TENM2: variants seen among roughly 807,000 people sequenced by gnomAD.
TENM2 encodes the protein teneurin-2.
Under a neutral mutation model 245.2 loss-of-function variants are expected in TENM2, and 52 were observed. The observed-to-expected ratio is 0.21, with a 90% CI of 0.17 to 0.27. The LOEUF is 0.27. Ranked by LOEUF, TENM2 falls within the 10% of genes least tolerant of loss-of-function variation. The pLI is 1.00. For synonymous variants in TENM2, 1,363 were observed against 1,438.9 expected, an observed-to-expected ratio of 0.95 and a Z score of 1.19; for missense variants, 3,046 against 3,666.8, an observed-to-expected ratio of 0.83 and a Z score of 4.37.
intron 23 of TENM2, among the ~76,000 whole-genome samples, chr5:168,222,511 T>C (rs868738796): frequency 6.6e-6 from 1 of 152,240 alleles, no homozygotes; most frequent in Non-Finnish European, 1.5e-5. Context: ...TAAGCTGCCA[T>C]GCAATTCATG....
At chr5:167,265,331 C>CAAAAAAAAAAAAAAAA in the TENM2 span, among the ~76,000 whole-genome samples, 2 of 39,396 alleles carry the variant, frequency 5.1e-5, 1 homozygote, top group African/African-American at 1.6e-4. Context: ...GACTCTGTCT[C>CAAAAAAAAAAAAAAAA]AAAAAAAAAA....
At chr5:168,085,001 G>A (rs1792321943) in intron 7 of TENM2, among the ~76,000 whole-genome samples, 1 of 152,208 alleles carries the variant, frequency 6.6e-6, no homozygotes, top group Non-Finnish European at 1.5e-5. Flanking sequence ...GGAAAAGATG[G>A]ATGTGTCCCC....
chr5:166,979,341 C>G, the TENM2 span, among the ~76,000 whole-genome samples: 2 of 151,958 alleles, frequency 1.3e-5, no homozygotes, highest in African/African-American at 4.8e-5. Context: ...AGGGGGAAAG[C>G]CTGTCTTGGT....
At chr5:167,481,762 C>T (rs1379391376) in intron 2 of TENM2, among the ~76,000 whole-genome samples, 3 of 152,178 alleles carry the variant, frequency 2.0e-5, no homozygotes, top group Non-Finnish European at 4.4e-5. Context: ...AAACTGTTAG[C>T]ATATACATAC....
chr5:167,969,614 A>C (rs936207022), intron 4 of TENM2, among the ~76,000 whole-genome samples: 3 of 152,242 alleles, frequency 2.0e-5, no homozygotes, highest in African/African-American at 7.2e-5. Context: ...ACAGGATTCA[A>C]GTAATACTTA....
chr5:167,333,651 G>A (rs1272207264), intron 1 of TENM2, among the ~76,000 whole-genome samples: 1 of 152,188 alleles, frequency 6.6e-6, no homozygotes, highest in Non-Finnish European at 1.5e-5. Context: ...AGAGAGGAGA[G>A]TTGCCAGTGG....
intron 4 of TENM2, among the ~76,000 whole-genome samples, chr5:167,956,522 G>A (rs1220164084): frequency 6.6e-6 from 1 of 152,146 alleles, no homozygotes. Flanking sequence ...AATAGGAGTG[G>A]TGAGAGAGGG....
At chr5:167,192,283 G>T in the TENM2 span, among the ~76,000 whole-genome samples, 114 of 152,070 alleles carry the variant, frequency 7.5e-4, no homozygotes, top group Non-Finnish European at 1.6e-3. Flanking sequence ...TTGTGTGTGT[G>T]TATTCTTGTG....
intron 1 of TENM2, among the ~76,000 whole-genome samples, chr5:167,333,497 G>A (rs1757577012): frequency 2.0e-5 from 3 of 152,148 alleles, no homozygotes; most frequent in Admixed American, 2.0e-4. Flanking sequence ...TGATCAGTGA[G>A]CCATGTTCTT....
chr5:167,256,375 T>TTGTC, the TENM2 span, among the ~76,000 whole-genome samples: 2 of 152,094 alleles, frequency 1.3e-5, no homozygotes, highest in Admixed American at 1.3e-4. Flanking sequence ...AAACCAGGCT[T>TTGTC]TGTCGTGAAT....
At chr5:167,358,363 TG>T (rs1027976145) in intron 1 of TENM2, among the ~76,000 whole-genome samples, 1 of 152,200 alleles carries the variant, frequency 6.6e-6, no homozygotes, top group African/African-American at 2.4e-5. Context: ...CAGCAACATT[TG>T]CAACAGTTAA....
intron 2 of TENM2, among the ~76,000 whole-genome samples, chr5:167,534,014 G>A (rs964434565): frequency 1.3e-5 from 2 of 152,188 alleles, no homozygotes; most frequent in African/African-American, 2.4e-5. Context: ...GCCTTGCTGA[G>A]TCACTGAGTG....
intron 7 of TENM2, among the ~76,000 whole-genome samples, chr5:168,087,093 G>A (rs1792520434): frequency 6.6e-6 from 1 of 152,222 alleles, no homozygotes; most frequent in Non-Finnish European, 1.5e-5. Context: ...TATAGCAGCA[G>A]TGAATGATGC....
At chr5:167,532,228 T>C (rs1771551892) in intron 2 of TENM2, among the ~76,000 whole-genome samples, 1 of 152,154 alleles carries the variant, frequency 6.6e-6, no homozygotes, top group South Asian at 2.1e-4. Flanking sequence ...TTAGACAAGA[T>C]ATACAAAAAG....
intron 1 of TENM2, among the ~76,000 whole-genome samples, chr5:167,336,176 CTTTTT>C (rs35059289): frequency 3.6e-5 from 3 of 83,098 alleles, no homozygotes; most frequent in South Asian, 5.1e-4. Flanking sequence ...TTCATTTCTC[CTTTTT>C]TTTTTTTTTT....
intron 2 of TENM2, among the ~76,000 whole-genome samples, chr5:167,853,029 G>A (rs563632395): frequency 6.7e-6 from 1 of 149,922 alleles, no homozygotes; most frequent in Non-Finnish European, 1.5e-5. Flanking sequence ...GCTCACTCCT[G>A]TAATCCCAGC....
chr5:167,881,000 C>G (rs1274837803), intron 3 of TENM2, among the ~76,000 whole-genome samples: 4 of 152,212 alleles, frequency 2.6e-5, no homozygotes, highest in Admixed American at 2.6e-4. Flanking sequence ...TTGACATCCT[C>G]TCATGAAAAC....
chr5:168,136,301 TC>T (rs1755037597), intron 12 of TENM2, among the ~76,000 whole-genome samples: 1 of 152,160 alleles, frequency 6.6e-6, no homozygotes, highest in Admixed American at 6.6e-5. Context: ...ACTGCAAAGC[TC>T]ACTCCACACT....
chr5:168,031,503 T>G (rs1198755602), intron 5 of TENM2, among the ~76,000 whole-genome samples: 1 of 152,148 alleles, frequency 6.6e-6, no homozygotes, highest in African/African-American at 2.4e-5. Flanking sequence ...AGATAAATGT[T>G]TTGCATACTT....
Sources: gnomAD v4.1 joint callset for allele counts (sites outside exome capture counted in the v4.1 genomes callset) on GRCh38, gnomAD v4.1.1 for gene constraint, MANE v1.5 for transcripts, NCBI Gene and HGNC (gene_info 2026-07-23, HGNC 2026-07-21) for gene names.